Variants in UHMK1 observed in about 807,000 individuals in gnomAD.
UHMK1 encodes the protein U2AF homology motif kinase 1, also known as serine/threonine-protein kinase Kist.
In UHMK1, 18 loss-of-function variants were observed where a neutral mutation model predicts 44.0. That is an observed-to-expected ratio of 0.41 (90% confidence interval 0.28 to 0.61). The LOEUF is 0.61. UHMK1 is among the 20% of genes least tolerant of loss of function. The pLI is 0.31. For missense variants in UHMK1, 463 were observed against 522.5 expected (o/e 0.89, Z 1.11); for synonymous variants, 231 against 198.5 (o/e 1.16, Z -1.38).
chr1:162,525,136 C>T lies in UHMK1; in HGVS notation c.*2586C>T, dbSNP rs1317464334. Reference sequence around the variant, plus strand: ...TGAAATTATTTTATAGCTCTTAGCCCGTTCTACCAAAGATCACATTAGCAG... The same window carrying T: ...TGAAATTATTTTATAGCTCTTAGCCTGTTCTACCAAAGATCACATTAGCAG... On this transcript the variant is annotated 3_prime_UTR_variant, in exon 8 of 8. Coordinates refer to ENST00000489294, the MANE Select transcript of UHMK1 (RefSeq NM_175866.5). 5.3e-5 allele frequency: 8 copies of T among 152,086 alleles called. No homozygotes were observed. The highest frequency in any genetic ancestry group is 4.6e-4 in the Admixed American group (7 of 15,246). The allele number at this position is 152,086 out of a possible 1,614,324, so 9.4% of individuals were successfully genotyped here. A position where few individuals can be genotyped will look rare whatever the true frequency, so the allele number is the denominator to read the frequency against.
chr1:162,523,199 T>C lies in UHMK1; in HGVS notation c.*649T>C, dbSNP rs1652123140. On this transcript the variant is annotated 3_prime_UTR_variant, in exon 8 of 8. Transcript: ENST00000489294. Reference sequence around the variant, plus strand: ...TCTTGCACAATTTTTATGTCTAGTATGTATGCTTGAGTGAATGTGCGAGTA... The same window carrying C: ...TCTTGCACAATTTTTATGTCTAGTACGTATGCTTGAGTGAATGTGCGAGTA... 6.5e-6 allele frequency: 1 copy of C among 152,726 alleles called. No homozygotes were observed. The highest frequency in any genetic ancestry group is 6.5e-5 in the Admixed American group (1 of 15,282). 9.5% of individuals were successfully genotyped at this position (152,726 alleles called of 1,614,324 possible).
chr1:162,497,217 C>T (rs1042787136), upstream of UHMK1: 6 of 698,918 alleles, frequency 8.6e-6, no homozygotes, highest in Non-Finnish European at 1.6e-5. Context: ...GATGAAGCCT[C>T]CAGGTACCAG....
rs138791425 is a variant in UHMK1 at position 162,512,576 on chromosome 1, G to C, written c.925G>C (p.Ala309Pro). ...LCSPFFSIPF[A>P]PHIEDLVMLP... Reference sequence around the variant, plus strand: ...CAGCCCATTCTTTAGCATTCCTTTTGGTAAGTTGTGTATTCTTTTATTTTT... The same window carrying C: ...CAGCCCATTCTTTAGCATTCCTTTTCGTAAGTTGTGTATTCTTTTATTTTT... Residue 309 changes from alanine (A) to proline (P), a missense_variant and splice_region_variant, in exon 5 of 8, where the codon GCC becomes CCC. Physicochemically the swap from Ala to Pro is conservative, Grantham distance 27. Around this residue, in one of 3 missense-constraint regions of UHMK1, gnomAD observed 264 missense variants for 326.3 expected, o/e 0.81. Coordinates refer to ENST00000489294, the MANE Select transcript of UHMK1 (RefSeq NM_175866.5). 5,257 of 1,611,360 alleles carry C rather than the reference G, an allele frequency of 3.3e-3. 12 individuals are homozygous for C. Among genetic ancestry groups the C allele is most frequent in the Non-Finnish European group, 4.2e-3 (4,950 of 1,179,350 alleles).
intron 6 of UHMK1, among the ~76,000 whole-genome samples, chr1:162,516,689 AG>A (rs1402132174): frequency 1.3e-5 from 2 of 152,246 alleles, no homozygotes; most frequent in African/African-American, 4.8e-5. Context: ...TATAGTTTAA[AG>A]AAAAAATATT....
At position 162,507,581 on chromosome 1, in the gene UHMK1, C is replaced by CTTT. The variant is rs548617627; in HGVS notation, c.848+3742_848+3744dup. ...AGCCACCACCCCCAACCCATTCTTT[C>CTTT]TTTTTTTTTTTCTTTTTTTTTGTGA... On this transcript the variant is annotated intron_variant, in intron 4 of 7. Coordinates refer to ENST00000489294, the MANE Select transcript of UHMK1 (RefSeq NM_175866.5). Among the ~76,000 whole-genome samples the CTTT allele has an allele frequency of 6.7e-3, 894 of 133,042 alleles. 21 individuals are homozygous for CTTT. Among genetic ancestry groups the CTTT allele is most frequent in the African/African-American group, 0.014 (502 of 35,294 alleles). The allele number at this position is 133,042 out of a possible 152,430, so 87.3% of individuals were successfully genotyped here.
At chr1:162,513,926 C>T (rs1651752074) in intron 6 of UHMK1, among the ~76,000 whole-genome samples, 1 of 152,028 alleles carries the variant, frequency 6.6e-6, no homozygotes, top group African/African-American at 2.4e-5. Flanking sequence ...TTGTTGAATG[C>T]AGTAAGGAGT....
chr1:162,502,605 C>G (rs970948088), intron 3 of UHMK1, among the ~76,000 whole-genome samples: 1 of 152,144 alleles, frequency 6.6e-6, no homozygotes, highest in Non-Finnish European at 1.5e-5. Flanking sequence ...AGATCACATT[C>G]AAATTTGTGT....
chr1:162,513,319 C>G (rs1032751483), intron 6 of UHMK1, among the ~76,000 whole-genome samples: 1 of 152,132 alleles, frequency 6.6e-6, no homozygotes, highest in Non-Finnish European at 1.5e-5. Flanking sequence ...GATTAATTTT[C>G]CCAACAACTT....
At position 162,514,005 on chromosome 1, in the gene UHMK1, CAG is replaced by C. The variant is rs973202546; in HGVS notation, c.1024+1187_1024+1188del. Among the ~76,000 whole-genome samples the C allele has an allele frequency of 3.3e-5, 5 of 152,216 alleles. No homozygotes were observed. The South Asian group carries it at 6.2e-4, about 19-fold the overall frequency. ...TATTTTAGTAGGGACATTTTGGAAA[CAG>C]AGAGGGAGTGGACTAAAACAGGGCC... is the stretch of plus-strand genomic sequence containing the variant. On this transcript the variant is annotated intron_variant, in intron 6 of 7. Transcript: ENST00000489294.
intron 6 of UHMK1, among the ~76,000 whole-genome samples, chr1:162,517,626 C>T (rs112601150): frequency 0.043 from 6,516 of 152,212 alleles, 195 homozygotes; most frequent in Non-Finnish European, 0.064. Flanking sequence ...GTGGCTCACG[C>T]CTGTAATCCC....
intron 6 of UHMK1, among the ~76,000 whole-genome samples, chr1:162,515,871 A>G (rs762929149): frequency 6.6e-6 from 1 of 151,742 alleles, no homozygotes; most frequent in Non-Finnish European, 1.5e-5. Context: ...GGTCTCTACT[A>G]AAAATACAAA....
In UHMK1 at chr1:162,498,204, C is replaced by T. The variant is rs1438737723; in HGVS notation, c.204C>T (p.Ala68=). 2 of 1,612,408 alleles carry T rather than the reference C, an allele frequency of 1.2e-6. No homozygotes were observed. The highest frequency in any genetic ancestry group is 1.7e-5 in the Admixed American group (1 of 59,912). The stretch of plus-strand genomic sequence containing the variant: ...GAACCACCGGGGCTGCGGCCTCTGC[C>T]GCCGAGTATGGTTTCCGCAAAGAGA... The part of the protein sequence containing the change: ...PPGTTGAAAS[A]AEYGFRKERA... The change falls in exon 1 of 8, where the codon GCC becomes GCT. Residue 68 remains alanine, a synonymous_variant. Transcript: ENST00000489294.
At chr1:162,520,783 G>T (rs1652023969) in intron 7 of UHMK1, among the ~76,000 whole-genome samples, 2 of 152,166 alleles carry the variant, frequency 1.3e-5, no homozygotes, top group Non-Finnish European at 2.9e-5. Flanking sequence ...AGAGTATTGA[G>T]ATTACATTGG....
chr1:162,525,504 AC>A lies in UHMK1; in HGVS notation c.*2955del, dbSNP rs1652214350. On this transcript the variant is annotated 3_prime_UTR_variant, in exon 8 of 8. Coordinates refer to ENST00000489294, the MANE Select transcript of UHMK1 (RefSeq NM_175866.5). ...ATACAGTGATTATTTTGTGGGAAAT[AC>A]TTGATTCTTTTGAAATATATTTGGA... is the stretch of plus-strand genomic sequence containing the variant. 2 of 152,336 alleles carry A rather than the reference AC, an allele frequency of 1.3e-5. No homozygotes were observed. Among genetic ancestry groups the A allele is most frequent in the Admixed American group, 1.3e-4 (2 of 15,298 alleles). The allele number at this position is 152,336 out of a possible 1,614,324, so 9.4% of individuals were successfully genotyped here. A position where few individuals can be genotyped will look rare whatever the true frequency, so the allele number is the denominator to read the frequency against.
rs1652270892 is a variant in UHMK1, at chr1:162,526,972, C to G, written c.*4422C>G. ...ATCCCCATTTCTTAAGGTGCTCAGT[C>G]AATCACCTTTATTTTGAGATGGTAG... On this transcript the variant is annotated 3_prime_UTR_variant, in exon 8 of 8. Coordinates refer to ENST00000489294, the MANE Select transcript of UHMK1 (RefSeq NM_175866.5). 6.6e-6 allele frequency: 1 copy of G among 152,104 alleles called. No homozygotes were observed. Among genetic ancestry groups the G allele is most frequent in the Non-Finnish European group, 1.5e-5 (1 of 67,970 alleles). The allele number at this position is 152,104 out of a possible 1,614,324, so 9.4% of individuals were successfully genotyped here.
chr1:162,522,756 G>T lies in UHMK1; in HGVS notation c.*206G>T. 2.0e-6 allele frequency: 1 copy of T among 512,360 alleles called. No individual in the cohort carries two copies. The highest frequency in any genetic ancestry group is 3.3e-6 in the Non-Finnish European group (1 of 302,572). 31.7% of individuals were successfully genotyped at this position (512,360 alleles called of 1,614,324 possible). ...ACAAGACCTCTCAGCTATACATTGA[G>T]GGGTTTTAGAGCATCCATGTGGGCA... is the stretch of plus-strand genomic sequence containing the variant. On this transcript the variant is annotated 3_prime_UTR_variant, in exon 8 of 8. Coordinates refer to ENST00000489294, the MANE Select transcript of UHMK1 (RefSeq NM_175866.5).
At chr1:162,498,400 C>A (rs1651144838) in intron 1 of UHMK1, 132 bp downstream of exon 1, 1 of 1,116,674 alleles carries the variant, frequency 9.0e-7, no homozygotes, top group Non-Finnish European at 1.2e-6. Flanking sequence ...ATCACCCCAT[C>A]CAGGCCCCTT....
chr1:162,521,196 T>G (rs1479748275), intron 7 of UHMK1, among the ~76,000 whole-genome samples: 1 of 152,162 alleles, frequency 6.6e-6, no homozygotes, highest in African/African-American at 2.4e-5. Flanking sequence ...CATCTGATAA[T>G]GCAATTATAA....
At position 162,497,862 on chromosome 1, in the gene UHMK1, G is replaced by A. The variant is rs911673330; in HGVS notation, c.-139G>A. 1.4e-6 allele frequency: 2 copies of A among 1,384,580 alleles called. No individual in the cohort carries two copies. The highest frequency in any genetic ancestry group is 1.7e-5 in the South Asian group (1 of 59,316). The allele number at this position is 1,384,580 out of a possible 1,614,324, so 85.8% of individuals were successfully genotyped here. On this transcript the variant is annotated 5_prime_UTR_variant, in exon 1 of 8. Transcript: ENST00000489294. ...GCTTCCGGTGTCATGGCTGCTTGAAGTCCCGGGAGTCGGTGAGGCGGCTGC... is the reference window on the plus strand; with the variant it reads ...GCTTCCGGTGTCATGGCTGCTTGAAATCCCGGGAGTCGGTGAGGCGGCTGC...
Sources: gnomAD v4.1 joint callset for allele counts (sites outside exome capture counted in the v4.1 genomes callset) on GRCh38, gnomAD v4.1.1 for gene constraint, gnomAD v4.1.1 regional missense constraint, MANE v1.5 for transcripts, NCBI Gene and HGNC (gene_info 2026-07-23, HGNC 2026-07-21) for gene names.